EXT2: variants seen among roughly 807,000 people sequenced by gnomAD.
EXT2 encodes exostosin-2.
In EXT2, 53 loss-of-function variants were observed where a neutral mutation model predicts 81.6. The observed-to-expected ratio is 0.65, with a 90% CI of 0.52 to 0.82. The LOEUF is 0.82. Among genes scored for constraint, EXT2 ranks in the 40% least tolerant of loss-of-function variants. The pLI is 0.00. For missense variants in EXT2, 774 were observed against 910.2 expected (o/e 0.85, Z 1.93); for synonymous variants, 320 against 340.0 (o/e 0.94, Z 0.65).
At chr11:44,233,994 G>GC in intron 11 of EXT2, 121 bp from the exon 12 acceptor site, 1 of 1,387,692 alleles carries the variant, frequency 7.2e-7, no homozygotes, top group Non-Finnish European at 1.0e-6. Flanking sequence ...TATTAATACA[G>GC]CCTTGTGATT....
At chr11:44,110,019 A>G (rs774050872) in intron 3 of EXT2, among the ~76,000 whole-genome samples, 2 of 152,176 alleles carry the variant, frequency 1.3e-5, no homozygotes, top group African/African-American at 2.4e-5. Context: ...GTTGGGGCGC[A>G]ATATATAAGC....
chr11:44,233,583 C>T (rs1361092882), intron 11 of EXT2, among the ~76,000 whole-genome samples: 1 of 152,128 alleles, frequency 6.6e-6, no homozygotes, highest in Non-Finnish European at 1.5e-5. Context: ...CTGTTGTCAG[C>T]AGTAGCATAA....
intron 1 of EXT2, chr11:44,096,366 CG>C (rs1287002394): frequency 1.3e-6 from 2 of 1,513,410 alleles, no homozygotes; most frequent in Non-Finnish European, 1.8e-6. Context: ...ACTGGGTGGT[CG>C]GGGGCGTGTT....
intron 11 of EXT2, among the ~76,000 whole-genome samples, chr11:44,232,804 T>C (rs1955914717): frequency 6.6e-6 from 1 of 152,212 alleles, no homozygotes; most frequent in South Asian, 2.1e-4. Flanking sequence ...ACACAGACAG[T>C]TGTAAATATT....
chr11:44,147,494 T>A (rs1425830672), intron 7 of EXT2, among the ~76,000 whole-genome samples: 1 of 152,218 alleles, frequency 6.6e-6, no homozygotes, highest in Non-Finnish European at 1.5e-5. Context: ...CACACTTCTT[T>A]AATAGCAAGC....
chr11:44,221,547 G>A (rs1955782174), intron 10 of EXT2, among the ~76,000 whole-genome samples: 1 of 152,180 alleles, frequency 6.6e-6, no homozygotes, highest in African/African-American at 2.4e-5. Context: ...TGATTACAGG[G>A]GAGCTTTGGC....
At chr11:44,176,097 G>A (rs1386240644) in intron 8 of EXT2, among the ~76,000 whole-genome samples, 2 of 152,140 alleles carry the variant, frequency 1.3e-5, no homozygotes, top group Non-Finnish European at 2.9e-5. Context: ...CAAGCAAATG[G>A]TACAAGCTTG....
Position 44,245,296 on chromosome 11 carries a change from TTC to T in EXT2, c.*1014_*1015del, listed in dbSNP as rs1229219027. ...CCCCATCCCAAGGGGATGCCAAAAT[TTC>T]TCTCATTCTTTTGGTATAAACTTAA... On this transcript the variant is annotated 3_prime_UTR_variant, in exon 14 of 14. Coordinates refer to ENST00000533608, the MANE Select transcript of EXT2 (RefSeq NM_207122.2). 1.8e-5 allele frequency: 4 copies of T among 222,622 alleles called. No homozygotes were observed. The highest frequency in any genetic ancestry group is 3.6e-5 in the Non-Finnish European group (4 of 111,296). 13.8% of individuals were successfully genotyped at this position (222,622 alleles called of 1,614,324 possible).
chr11:44,200,102 A>G (rs897682059), intron 9 of EXT2, among the ~76,000 whole-genome samples: 1 of 151,896 alleles, frequency 6.6e-6, no homozygotes, highest in Non-Finnish European at 1.5e-5. Context: ...TCCGCATGCC[A>G]GCAAATGCAT....
At chr11:44,187,343 A>AT (rs1159020574) in intron 8 of EXT2, among the ~76,000 whole-genome samples, 1 of 151,684 alleles carries the variant, frequency 6.6e-6, no homozygotes, top group African/African-American at 2.4e-5. Context: ...ATATCCAGCT[A>AT]ATTTTTTTTT....
intron 8 of EXT2, among the ~76,000 whole-genome samples, chr11:44,195,438 A>AAAAAAG (rs900018324): frequency 6.6e-5 from 10 of 152,110 alleles, no homozygotes; most frequent in Admixed American, 1.3e-4. Flanking sequence ...GTCTCAAAAA[A>AAAAAAG]AAAAAGAAAA....
intron 3 of EXT2, among the ~76,000 whole-genome samples, chr11:44,113,899 G>T (rs1954181162): frequency 6.6e-6 from 1 of 152,132 alleles, no homozygotes; most frequent in South Asian, 2.1e-4. Flanking sequence ...GAGGGAGGTA[G>T]CAGAGAGGCT....
chr11:44,168,340 A>G (rs751512827), intron 7 of EXT2, among the ~76,000 whole-genome samples: 3 of 152,218 alleles, frequency 2.0e-5, no homozygotes, highest in Non-Finnish European at 4.4e-5. Context: ...TAAGAGATAC[A>G]TGAGATATAT....
intron 4 of EXT2, among the ~76,000 whole-genome samples, chr11:44,120,879 C>T (rs1274379931): frequency 6.6e-6 from 1 of 152,164 alleles, no homozygotes; most frequent in African/African-American, 2.4e-5. Flanking sequence ...AAGTTCTCAG[C>T]ATGGTTTTGC....
intron 8 of EXT2, among the ~76,000 whole-genome samples, chr11:44,179,853 G>A (rs995459280): frequency 4.6e-5 from 7 of 152,042 alleles, no homozygotes. Context: ...CTTGACTTTT[G>A]TGTCTCCCAA....
rs186098299 is a variant in EXT2 at position 44,120,776 on chromosome 11, C to T, written c.744-4013C>T. On this transcript the variant is annotated intron_variant, in intron 4 of 13. Transcript: ENST00000533608. ...TGTTGCTATTGATAGCTGCTTCTCA[C>T]AGCTGTTTTGGCCTCAGCTGGAATT... is the stretch of plus-strand genomic sequence containing the variant. 4.4e-3 allele frequency among the ~76,000 whole-genome samples: 673 copies of T among 152,338 alleles called. 3 individuals are homozygous for T. The highest frequency in any genetic ancestry group is 7.7e-3 in the Non-Finnish European group (521 of 68,024).
At chr11:44,182,282 T>C (rs1186880225) in intron 8 of EXT2, among the ~76,000 whole-genome samples, 2 of 152,240 alleles carry the variant, frequency 1.3e-5, no homozygotes, top group Non-Finnish European at 2.9e-5. Context: ...AGGGAGATGG[T>C]TGGCCTGTGA....
intron 9 of EXT2, among the ~76,000 whole-genome samples, chr11:44,204,302 A>G (rs1955555735): frequency 6.6e-6 from 1 of 152,130 alleles, no homozygotes; most frequent in African/African-American, 2.4e-5. Context: ...CCCACAGCTA[A>G]TGGAATGTGT....
chr11:44,214,340 T>G, intron 10 of EXT2, among the ~76,000 whole-genome samples: 1 of 152,072 alleles, frequency 6.6e-6, no homozygotes, highest in East Asian at 1.9e-4. Context: ...GGTCTCGATC[T>G]CCTGACCTCG....
Sources: allele counts gnomAD v4.1 joint callset (sites outside exome capture counted in the v4.1 genomes callset), GRCh38; gene constraint gnomAD v4.1.1; transcripts MANE v1.5; gene names NCBI Gene and HGNC (gene_info 2026-07-23, HGNC 2026-07-21).